The following PAPPA2 variants were observed in gnomAD, a reference collection of about 807,000 sequenced individuals.
PAPPA2 encodes pappalysin-2.
PAPPA2 carries 86 observed loss-of-function variants against 176.4 expected under a neutral mutation model. The ratio of observed to expected loss-of-function variants is 0.49; its 90% CI spans 0.41 to 0.58. The LOEUF (loss-of-function observed/expected upper bound fraction) is 0.58. Among genes scored for constraint, PAPPA2 ranks in the 20% least tolerant of loss-of-function variants. PAPPA2 has a pLI of 0.00. For missense variants in PAPPA2, 2,073 were observed against 2,256.9 expected, an observed-to-expected ratio of 0.92 and a Z score of 1.65; for synonymous variants, 809 against 852.2, an observed-to-expected ratio of 0.95 and a Z score of 0.88.
Position 176,556,134 on chromosome 1 carries a change from G to T in PAPPA2, c.-189G>T. 1.5e-6 allele frequency: 1 copy of T among 660,220 alleles called. No individual in the cohort carries two copies. The highest frequency in any genetic ancestry group is 2.5e-6 in the Non-Finnish European group (1 of 392,534). The allele number at this position is 660,220 out of a possible 1,614,324, so 40.9% of individuals were successfully genotyped here. ...CTGGGGAGGCATAGAAGCCACACTG[G>T]CAGAGCGGCCAGCACAGGTAGCCAG... On this transcript the variant is annotated 5_prime_UTR_variant, in exon 2 of 23. Coordinates refer to ENST00000367662, the MANE Select transcript of PAPPA2 (RefSeq NM_020318.3).
intron 3 of PAPPA2, among the ~76,000 whole-genome samples, chr1:176,631,775 A>G (rs1656353740): frequency 6.6e-6 from 1 of 152,206 alleles, no homozygotes; most frequent in African/African-American, 2.4e-5. Flanking sequence ...TGGCTGAGAA[A>G]GGAATAAGGG....
At chr1:176,565,419 G>C (rs2102604370) in intron 2 of PAPPA2, among the ~76,000 whole-genome samples, 1 of 152,320 alleles carries the variant, frequency 6.6e-6, no homozygotes, top group Non-Finnish European at 1.5e-5. Flanking sequence ...TGGGGGCTGG[G>C]CACAGTGGCT....
chr1:176,514,463 C>T (rs1230518456), intron 1 of PAPPA2, among the ~76,000 whole-genome samples: 1 of 152,170 alleles, frequency 6.6e-6, no homozygotes, highest in East Asian at 1.9e-4. Flanking sequence ...GGAAGGGACA[C>T]ACATCCAAAC....
At position 176,512,458 on chromosome 1, in the gene PAPPA2, G is replaced by T. The variant is rs116034055; in HGVS notation, c.-916-42949G>T. On this transcript the variant is annotated intron_variant, in intron 1 of 22. Coordinates refer to ENST00000367662, the MANE Select transcript of PAPPA2 (RefSeq NM_020318.3). ...CTTTAAGGAATTTCAAAAGCATTATGCCAAGTAAAAGAAGCTAGCCAAGTA... is the reference window on the plus strand; with the variant it reads ...CTTTAAGGAATTTCAAAAGCATTATTCCAAGTAAAAGAAGCTAGCCAAGTA... 6.1e-3 allele frequency among the ~76,000 whole-genome samples: 933 copies of T among 152,240 alleles called. 9 individuals carry two copies. The highest frequency in any genetic ancestry group is 1.0e-2 in the Non-Finnish European group (678 of 68,012).
At chr1:176,526,407 A>G (rs1162806379) in intron 1 of PAPPA2, among the ~76,000 whole-genome samples, 4 of 152,220 alleles carry the variant, frequency 2.6e-5, no homozygotes, top group Non-Finnish European at 4.4e-5. Context: ...TTCCAAGTTT[A>G]GCACTTTAAG....
Position 176,840,190 on chromosome 1 carries a change from TTGGTG to T in PAPPA2, c.5223_5227del (p.Trp1741Ter). On this transcript the variant is annotated frameshift_variant, in exon 22 of 23. Transcript: ENST00000367662. LOFTEE classifies it high-confidence loss of function. ...CCCTACAGCCCTTCCAAGCAGATGG[TTGGTG>T]TGACACTATCAACAACCGAGCCTAC... 6.2e-7 allele frequency: 1 copy of T among 1,613,108 alleles called. No homozygotes were observed. Among genetic ancestry groups the T allele is most frequent in the Non-Finnish European group, 8.5e-7 (1 of 1,179,454 alleles).
intron 1 of PAPPA2, among the ~76,000 whole-genome samples, chr1:176,475,067 G>T (rs114919952): frequency 1.5e-3 from 231 of 152,218 alleles, no homozygotes; most frequent in African/African-American, 3.5e-3. Flanking sequence ...TTTGTTTTTT[G>T]TGTGTGTGTT....
chr1:176,559,126 G>A (rs1303754522), intron 2 of PAPPA2, among the ~76,000 whole-genome samples: 1 of 151,998 alleles, frequency 6.6e-6, no homozygotes, highest in Admixed American at 6.6e-5. Context: ...TCCAACCCCT[G>A]CCAACACTGC....
intron 6 of PAPPA2, among the ~76,000 whole-genome samples, chr1:176,694,258 G>A (rs899393314): frequency 1.4e-4 from 21 of 152,204 alleles, no homozygotes; most frequent in African/African-American, 5.1e-4. Context: ...GTGCTGATTG[G>A]AGTCAGAGGT....
chr1:176,695,173 G>A (rs1303160839), intron 6 of PAPPA2, among the ~76,000 whole-genome samples: 1 of 152,194 alleles, frequency 6.6e-6, no homozygotes, highest in Non-Finnish European at 1.5e-5. Context: ...TGAGGCTGGA[G>A]CTAGCTTGTG....
At chr1:176,494,993 A>G (rs1355166851) in intron 1 of PAPPA2, among the ~76,000 whole-genome samples, 1 of 152,132 alleles carries the variant, frequency 6.6e-6, no homozygotes, top group African/African-American at 2.4e-5. Context: ...TGATTTTTAC[A>G]CTTGAGAATG....
At chr1:176,654,685 A>AT (rs1657929785) in intron 3 of PAPPA2, among the ~76,000 whole-genome samples, 1 of 151,678 alleles carries the variant, frequency 6.6e-6, no homozygotes, top group Admixed American at 6.6e-5. Flanking sequence ...TTTGAATGAC[A>AT]TTACTTCTTC....
chr1:176,715,932 C>G (rs1661348442), intron 12 of PAPPA2, among the ~76,000 whole-genome samples: 1 of 151,772 alleles, frequency 6.6e-6, no homozygotes, highest in Admixed American at 6.6e-5. Context: ...AGTAGCTAAA[C>G]AAGGCAAGTC....
intron 21 of PAPPA2, among the ~76,000 whole-genome samples, chr1:176,819,414 T>C (rs759888430): frequency 6.6e-6 from 1 of 152,210 alleles, no homozygotes; most frequent in Non-Finnish European, 1.5e-5. Flanking sequence ...TCTCTTCAGC[T>C]ATTTGAAGGC....
At position 176,618,745 on chromosome 1, in the gene PAPPA2, G is replaced by T. The variant is rs576847658; in HGVS notation, c.1991+23150G>T. 3.3e-5 allele frequency among the ~76,000 whole-genome samples: 5 copies of T among 152,262 alleles called. No homozygotes were observed. In the East Asian group the frequency reaches 7.7e-4, roughly 24 times the overall value. On this transcript the variant is annotated intron_variant, in intron 3 of 22. Transcript: ENST00000367662. ...TCTCTTCGAGTTTAGTATGTGTGAG[G>T]CACTAGGATTAAAAGAGTAATGGGA...
chr1:176,730,612 A>G (rs1192490018), intron 12 of PAPPA2, among the ~76,000 whole-genome samples: 3 of 134,920 alleles, frequency 2.2e-5, no homozygotes, highest in Non-Finnish European at 3.2e-5. Flanking sequence ...TTTTTTTTGT[A>G]TTTCGTTGAT....
intron 4 of PAPPA2, 30 bp downstream of exon 4, chr1:176,671,145 G>T (rs1303838229): frequency 4.4e-6 from 7 of 1,600,696 alleles, no homozygotes; most frequent in Non-Finnish European, 5.1e-6. Context: ...AACATAGTAG[G>T]AAAAAAACAA....
intron 1 of PAPPA2, among the ~76,000 whole-genome samples, chr1:176,548,646 T>A (rs1212160299): frequency 6.6e-6 from 1 of 152,164 alleles, no homozygotes; most frequent in Non-Finnish European, 1.5e-5. Context: ...TCCAGGCGAA[T>A]GAACTTAGTC....
intron 14 of PAPPA2, among the ~76,000 whole-genome samples, chr1:176,749,213 T>C (rs1663052137): frequency 6.6e-6 from 1 of 152,204 alleles, no homozygotes; most frequent in African/African-American, 2.4e-5. Context: ...ATAAAACCAA[T>C]TTGTAAAATA....
Sources: allele counts gnomAD v4.1 joint callset (sites outside exome capture counted in the v4.1 genomes callset), GRCh38; gene constraint gnomAD v4.1.1; transcripts MANE v1.5; gene names NCBI Gene and HGNC (gene_info 2026-07-23, HGNC 2026-07-21).